Variants in CNTLN observed in about 807,000 individuals in gnomAD.
CNTLN encodes centlein.
CNTLN carries 212 observed loss-of-function variants against 180.0 expected under a neutral mutation model. The observed-to-expected ratio is 1.18, with a 90% CI of 1.05 to 1.32. The LOEUF is 1.32. Among genes scored for constraint, CNTLN ranks in the 40% most tolerant of loss-of-function variants. The pLI is 0.00. For missense variants in CNTLN, 2,095 were observed against 1,610.9 expected, an observed-to-expected ratio of 1.30 and a Z score of -5.14; for synonymous variants, 722 against 563.1, an observed-to-expected ratio of 1.28 and a Z score of -3.99.
At chr9:17,474,875 A>G (rs1445278778) in intron 23 of CNTLN, among the ~76,000 whole-genome samples, 1 of 152,004 alleles carries the variant, frequency 6.6e-6, no homozygotes, top group Non-Finnish European at 1.5e-5. Flanking sequence ...CTCAAAAAAA[A>G]AAAAAAGGGA....
chr9:17,269,999 T>C (rs1827815686), intron 5 of CNTLN, among the ~76,000 whole-genome samples: 2 of 152,182 alleles, frequency 1.3e-5, no homozygotes, highest in Admixed American at 1.3e-4. Flanking sequence ...TGCACAGTCA[T>C]CTTTTATAAT....
At chr9:17,482,343 C>T (rs894411496) in intron 23 of CNTLN, among the ~76,000 whole-genome samples, 1 of 151,942 alleles carries the variant, frequency 6.6e-6, no homozygotes, top group Non-Finnish European at 1.5e-5. Flanking sequence ...AACTGAAAAA[C>T]TCCTATAAAA....
chr9:17,279,053 GAACA>G (rs1828495931), intron 6 of CNTLN, among the ~76,000 whole-genome samples: 1 of 151,410 alleles, frequency 6.6e-6, no homozygotes, highest in East Asian at 1.9e-4. Context: ...CTAAAACTAA[GAACA>G]AACTGATACG....
intron 2 of CNTLN, among the ~76,000 whole-genome samples, chr9:17,174,887 A>C (rs1820627196): frequency 6.6e-6 from 1 of 152,024 alleles, no homozygotes; most frequent in African/African-American, 2.4e-5. Flanking sequence ...TTTAATTTGC[A>C]TTTCTCATGG....
chr9:17,219,446 C>G (rs2132037269), intron 2 of CNTLN, among the ~76,000 whole-genome samples: 1 of 152,092 alleles, frequency 6.6e-6, no homozygotes, highest in East Asian at 1.9e-4. Context: ...TGTTAGACAT[C>G]TCATACCACC....
the CNTLN span, among the ~76,000 whole-genome samples, chr9:17,521,882 A>G: frequency 6.6e-6 from 1 of 152,186 alleles, no homozygotes; most frequent in African/African-American, 2.4e-5. Flanking sequence ...ATGCTGATTT[A>G]TTTATAGCTA....
chr9:17,466,119 G>A lies in CNTLN; in HGVS notation c.3669+1G>A. ...ATCTAAAGAGGAGTTAGAAAAAAAG[G>A]TATGCTTTTAAAAAGGGCATTTTAG... is the stretch of plus-strand genomic sequence containing the variant. On this transcript the variant is annotated splice_donor_variant, in intron 22 of 25. Coordinates refer to ENST00000380647, the MANE Select transcript of CNTLN (RefSeq NM_017738.4). LOFTEE classifies it high-confidence loss of function. 6.3e-7 allele frequency: 1 copy of A among 1,598,296 alleles called. No individual in the cohort carries two copies. The highest frequency in any genetic ancestry group is 8.5e-7 in the Non-Finnish European group (1 of 1,170,794).
At chr9:17,367,274 C>T (rs952913711) in intron 13 of CNTLN, among the ~76,000 whole-genome samples, 11 of 151,694 alleles carry the variant, frequency 7.3e-5, no homozygotes, top group Middle Eastern at 3.4e-3. Flanking sequence ...CCAAATGCAT[C>T]TCATGCCTGC....
intron 6 of CNTLN, among the ~76,000 whole-genome samples, chr9:17,291,061 A>G (rs544993212): frequency 1.2e-4 from 18 of 152,206 alleles, no homozygotes; most frequent in Non-Finnish European, 2.5e-4. Flanking sequence ...TTCATTATAT[A>G]CCCAGGAGTC....
intron 14 of CNTLN, among the ~76,000 whole-genome samples, chr9:17,389,685 T>C (rs964262409): frequency 9.9e-5 from 15 of 151,966 alleles, no homozygotes; most frequent in African/African-American, 3.6e-4. Context: ...CAAAATAAAT[T>C]TAAAAAATAG....
At chr9:17,197,462 T>C (rs1338913688) in intron 2 of CNTLN, among the ~76,000 whole-genome samples, 1 of 152,182 alleles carries the variant, frequency 6.6e-6, no homozygotes, top group Non-Finnish European at 1.5e-5. Flanking sequence ...GTGTGCAGTT[T>C]TGTTACATAT....
chr9:17,419,655 G>C (rs755068176), intron 18 of CNTLN, among the ~76,000 whole-genome samples: 1 of 152,106 alleles, frequency 6.6e-6, no homozygotes, highest in Non-Finnish European at 1.5e-5. Context: ...AGGAGATACA[G>C]AGAAATAGAA....
In CNTLN at chr9:17,303,264, C is replaced by T. The variant is rs147318218; in HGVS notation, c.1146+4912C>T. 5.3e-5 allele frequency among the ~76,000 whole-genome samples: 8 copies of T among 152,296 alleles called. No homozygotes were observed. The East Asian group carries it at 1.3e-3, about 26-fold the overall frequency. ...TCTTATCCCTAAAAGCCTCGGTAAA[C>T]AGATTCTACAAACTTGCATTATCCA... On this transcript the variant is annotated intron_variant, in intron 7 of 25. Coordinates refer to ENST00000380647, the MANE Select transcript of CNTLN (RefSeq NM_017738.4).
At chr9:17,331,363 A>ATT (rs11404854) in intron 9 of CNTLN, among the ~76,000 whole-genome samples, 51 of 150,960 alleles carry the variant, frequency 3.4e-4, no homozygotes, top group African/African-American at 1.2e-3. Context: ...TAATGTCTCA[A>ATT]TTTTTTTTAG....
chr9:17,348,532 CTT>C (rs35021719), intron 12 of CNTLN, among the ~76,000 whole-genome samples: 1,877 of 140,922 alleles, frequency 0.013, 42 homozygotes, highest in African/African-American at 0.047. Flanking sequence ...TTCTTTCTTT[CTT>C]TTTTTTTTTT....
chr9:17,514,113 G>T, the CNTLN span, among the ~76,000 whole-genome samples: 2 of 151,080 alleles, frequency 1.3e-5, no homozygotes, highest in African/African-American at 4.9e-5. Flanking sequence ...TTTGAGACCA[G>T]CCTAGGCAAC....
At chr9:17,401,871 A>G (rs865796797) in intron 15 of CNTLN, among the ~76,000 whole-genome samples, 1 of 151,846 alleles carries the variant, frequency 6.6e-6, no homozygotes, top group South Asian at 2.1e-4. Flanking sequence ...TTAAAAGTCA[A>G]ATGACTAACC....
intron 12 of CNTLN, among the ~76,000 whole-genome samples, chr9:17,352,309 A>C (rs1218156911): frequency 6.6e-6 from 1 of 151,176 alleles, no homozygotes; most frequent in Non-Finnish European, 1.5e-5. Context: ...TAAGTAGCTA[A>C]AATCAAAATA....
chr9:17,235,224 C>T (rs1825066135), intron 3 of CNTLN, among the ~76,000 whole-genome samples: 1 of 151,924 alleles, frequency 6.6e-6, no homozygotes, highest in Admixed American at 6.6e-5. Flanking sequence ...ATAAACTTGC[C>T]ATTTTAAAAA....
Sources: allele counts gnomAD v4.1 joint callset (sites outside exome capture counted in the v4.1 genomes callset), GRCh38; gene constraint gnomAD v4.1.1; transcripts MANE v1.5; gene names NCBI Gene and HGNC (gene_info 2026-07-23, HGNC 2026-07-21).